The following ARGFX variants were observed in gnomAD, a reference collection of about 807,000 sequenced individuals.
ARGFX encodes the protein arginine-fifty homeobox.
In ARGFX, 10 loss-of-function variants were observed where a neutral mutation model predicts 8.0. That is an observed-to-expected ratio of 1.25 (90% CI 0.77 to 2.12). The LOEUF (loss-of-function observed/expected upper bound fraction) is 2.12. ARGFX is among the 30% of genes most tolerant of loss of function. The pLI is 0.00. For synonymous variants in ARGFX, 116 were observed against 117.8 expected (o/e 0.98, Z 0.10); for missense variants, 282 against 324.3 (o/e 0.87, Z 1.00).
chr3:121,569,494 T>C (rs2048694602), intron 1 of ARGFX, among the ~76,000 whole-genome samples: 1 of 151,912 alleles, frequency 6.6e-6, no homozygotes, highest in Non-Finnish European at 1.5e-5. Flanking sequence ...GCCTCCCTAG[T>C]AGCTGGGACT....
chr3:121,573,338 A>G (rs1490200202), intron 2 of ARGFX, among the ~76,000 whole-genome samples: 1 of 151,546 alleles, frequency 6.6e-6, no homozygotes, highest in Non-Finnish European at 1.5e-5. Flanking sequence ...AAAATTAGCC[A>G]GGCGTGGTGG....
At chr3:121,580,599 T>TAC (rs2048772331) in intron 3 of ARGFX, among the ~76,000 whole-genome samples, 1 of 116,966 alleles carries the variant, frequency 8.5e-6, no homozygotes, top group Non-Finnish European at 1.8e-5. Context: ...TGTGTGTATA[T>TAC]ATATATATTT....
At chr3:121,569,730 G>T (rs1365883701) in intron 1 of ARGFX, among the ~76,000 whole-genome samples, 3 of 152,124 alleles carry the variant, frequency 2.0e-5, no homozygotes, top group Non-Finnish European at 4.4e-5. Context: ...AAATCCATTG[G>T]TCTACATTGA....
chr3:121,579,416 A>G (rs892826826), intron 3 of ARGFX, among the ~76,000 whole-genome samples: 15 of 151,992 alleles, frequency 9.9e-5, no homozygotes, highest in African/African-American at 3.4e-4. Flanking sequence ...TATAATGTTT[A>G]TTTCCACAGT....
chr3:121,577,982 C>A (rs1041913921), intron 3 of ARGFX, among the ~76,000 whole-genome samples: 1 of 151,808 alleles, frequency 6.6e-6, no homozygotes, highest in African/African-American at 2.4e-5. Flanking sequence ...GACAGGGTTT[C>A]ACCATGTTGG....
At chr3:121,579,849 A>C (rs2048766294) in intron 3 of ARGFX, among the ~76,000 whole-genome samples, 2 of 151,944 alleles carry the variant, frequency 1.3e-5, no homozygotes, top group Non-Finnish European at 2.9e-5. Flanking sequence ...TTGGCATCCC[A>C]AAGTGCTGGG....
intron 3 of ARGFX, among the ~76,000 whole-genome samples, chr3:121,583,025 A>ATTT (rs35823830): frequency 6.1e-4 from 66 of 108,316 alleles, no homozygotes; most frequent in South Asian, 1.6e-3. Flanking sequence ...TAATTGCGGG[A>ATTT]TTTTTTTTTT....
At chr3:121,584,388 T>C (rs1270183692) in intron 3 of ARGFX, among the ~76,000 whole-genome samples, 1 of 152,184 alleles carries the variant, frequency 6.6e-6, no homozygotes, top group Non-Finnish European at 1.5e-5. Context: ...GTGGGTTATA[T>C]TCAGTTGCAA....
chr3:121,577,163 TAAAGA>T (rs1057483726), intron 3 of ARGFX, among the ~76,000 whole-genome samples: 9 of 131,922 alleles, frequency 6.8e-5, no homozygotes, highest in Non-Finnish European at 8.5e-5. Flanking sequence ...TTTTGAGTTA[TAAAGA>T]AAAGTGTGTT....
rs1344683131 is a variant in ARGFX at position 121,576,897 on chromosome 3, A to T, written c.217A>T (p.Thr73Ser). 2.8e-6 allele frequency: 1 copy of T among 356,416 alleles called. No homozygotes were observed. Among genetic ancestry groups the T allele is most frequent in the East Asian group, 1.0e-4 (1 of 9,976 alleles). The allele number at this position is 356,416 out of a possible 1,614,324, so 22.1% of individuals were successfully genotyped here. A position where few individuals can be genotyped will look rare whatever the true frequency, so the allele number is the denominator to read the frequency against. ...PTSASRVAAT[T>S]AIRRRHKERT... The stretch of plus-strand genomic sequence containing the variant: ...CTCAGCCTCCCGAGTAGCTGCGACT[A>T]CAGGTGCGTGCCACTACACCCTCTT... The change falls in exon 3 of 5, where the codon ACA becomes TCA. Residue 73 changes from threonine to serine, a missense_variant. Thr to Ser is a moderately conservative substitution (Grantham distance 58). Coordinates refer to ENST00000334384, the MANE Select transcript of ARGFX (RefSeq NM_001012659.2).
rs75641184 is a variant in ARGFX at position 121,585,928 on chromosome 3, T to C, written c.370-94T>C. The C allele has an allele frequency of 5.8e-3, 7,097 of 1,214,694 alleles. 328 individuals carry two copies. In the African/African-American group the frequency reaches 0.094, roughly 16 times the overall value. The allele number at this position is 1,214,694 out of a possible 1,614,324, so 75.2% of individuals were successfully genotyped here. Reference sequence around the variant, plus strand: ...GTGTCATGGTGAATTAGAGAGGACATGAAGATTATAACCTGGCTGTTTTCA... The same window carrying C: ...GTGTCATGGTGAATTAGAGAGGACACGAAGATTATAACCTGGCTGTTTTCA... On this transcript the variant is annotated intron_variant, in intron 4 of 4. Transcript: ENST00000334384.
chr3:121,571,329 A>G (rs78685351), intron 2 of ARGFX, among the ~76,000 whole-genome samples: 4,124 of 152,198 alleles, frequency 0.027, 189 homozygotes, highest in African/African-American at 0.094. Context: ...ACCTTTAAAA[A>G]TATGTAAAAC....
chr3:121,580,688 T>C (rs1187674125), intron 3 of ARGFX, among the ~76,000 whole-genome samples: 2 of 147,154 alleles, frequency 1.4e-5, no homozygotes, highest in African/African-American at 2.5e-5. Context: ...CACCGCAACC[T>C]CCGCCTCCTG....
In ARGFX at chr3:121,588,518, CATAAG is replaced by C. The variant is rs764399280; in HGVS notation, c.*1924_*1928del. Among the ~76,000 whole-genome samples the C allele has an allele frequency of 1.2e-3, 177 of 151,036 alleles. No individual in the cohort carries two copies. The highest frequency in any genetic ancestry group is 3.4e-3 in the South Asian group (16 of 4,774). On this transcript the variant is annotated 3_prime_UTR_variant, in exon 5 of 5. Coordinates refer to ENST00000334384, the MANE Select transcript of ARGFX (RefSeq NM_001012659.2). ...AATAAAAAATAAAAAATAAAAGAAACATAAGATAAGTACCTCTCAATGAAAAATGT... is the reference window on the plus strand; with the variant it reads ...AATAAAAAATAAAAAATAAAAGAAACATAAGTACCTCTCAATGAAAAATGT...
chr3:121,574,934 GTTTGAAGA>G (rs2048727748), intron 2 of ARGFX, among the ~76,000 whole-genome samples: 3 of 152,186 alleles, frequency 2.0e-5, no homozygotes, highest in African/African-American at 7.2e-5. Context: ...AAATTGATAT[GTTTGAAGA>G]CCAAATGTAT....
In ARGFX at chr3:121,588,311, C is replaced by CAA. The variant is rs756800220; in HGVS notation, c.*1730_*1731dup. Reference sequence around the variant, plus strand: ...TGAAATCCCGTCTCTACTAAAAATACAAAAAAAAAAAAAAAAAAAAGCCAG... The same window carrying CAA: ...TGAAATCCCGTCTCTACTAAAAATACAAAAAAAAAAAAAAAAAAAAAAGCCAG... On this transcript the variant is annotated 3_prime_UTR_variant, in exon 5 of 5. Transcript: ENST00000334384. Among the ~76,000 whole-genome samples the CAA allele has an allele frequency of 0.047, 2,431 of 51,468 alleles. 58 individuals are homozygous for CAA. The highest frequency in any genetic ancestry group is 0.087 in the Non-Finnish European group (1,978 of 22,706). 33.8% of individuals were successfully genotyped at this position (51,468 alleles called of 152,430 possible).
chr3:121,588,481 AAAAAAATAAAAAAT>A lies in ARGFX; in HGVS notation c.*1900_*1913del, dbSNP rs558514315. 3.6e-3 allele frequency among the ~76,000 whole-genome samples: 544 copies of A among 150,612 alleles called. 2 individuals are homozygous for A. Among genetic ancestry groups the A allele is most frequent in the Non-Finnish European group, 5.5e-3 (373 of 67,832 alleles). On this transcript the variant is annotated 3_prime_UTR_variant, in exon 5 of 5. Coordinates refer to ENST00000334384, the MANE Select transcript of ARGFX (RefSeq NM_001012659.2). ...CAACAGAGCAAGACTCTGTCTCAAA[AAAAAAATAAAAAAT>A]AAAAAATAAAAAATAAAAGAAACAT...
intron 3 of ARGFX, among the ~76,000 whole-genome samples, chr3:121,581,182 G>T (rs1328253072): frequency 6.6e-6 from 1 of 152,002 alleles, no homozygotes; most frequent in Non-Finnish European, 1.5e-5. Flanking sequence ...TGGCTAGGCT[G>T]GTCTCAAACT....
intron 2 of ARGFX, among the ~76,000 whole-genome samples, chr3:121,571,592 T>C (rs1162890881): frequency 2.2e-4 from 34 of 151,200 alleles, no homozygotes; most frequent in Non-Finnish European, 1.5e-5. Context: ...TGAGACAGTC[T>C]TGCTCTGTCA....
Sources: allele counts gnomAD v4.1 joint callset (sites outside exome capture counted in the v4.1 genomes callset), GRCh38; gene constraint gnomAD v4.1.1; transcripts MANE v1.5; gene names NCBI Gene and HGNC (gene_info 2026-07-23, HGNC 2026-07-21).